Variants in PRLR observed in about 807,000 individuals in gnomAD.
PRLR encodes the protein prolactin receptor.
A neutral mutation model predicts 40.2 loss-of-function variants in PRLR; 13 were observed. The ratio of observed to expected loss-of-function variants is 0.32; its 90% confidence interval spans 0.21 to 0.51. The LOEUF is 0.51. Ranked by LOEUF, PRLR falls within the 20% of genes least tolerant of loss-of-function variation. The pLI is 0.97. For missense variants in PRLR, 656 were observed against 747.3 expected, an observed-to-expected ratio of 0.88 and a Z score of 1.42; for synonymous variants, 269 against 278.7, an observed-to-expected ratio of 0.97 and a Z score of 0.35.
intron 2 of PRLR, among the ~76,000 whole-genome samples, chr5:35,104,943 G>A (rs1253248033): frequency 3.3e-5 from 5 of 152,220 alleles, no homozygotes; most frequent in African/African-American, 1.2e-4. Flanking sequence ...CCTGACCCCC[G>A]AGTAGCCTAA....
chr5:35,175,817 C>T (rs1429116553), intron 1 of PRLR, among the ~76,000 whole-genome samples: 12 of 152,090 alleles, frequency 7.9e-5, no homozygotes, highest in East Asian at 5.8e-4. Flanking sequence ...TCCTTCCACA[C>T]TCACTTTCTT....
chr5:35,146,608 A>G (rs531804367), intron 1 of PRLR, among the ~76,000 whole-genome samples: 1 of 152,300 alleles, frequency 6.6e-6, no homozygotes, highest in East Asian at 1.9e-4. Flanking sequence ...CAGGAACACA[A>G]TGGGGCACCC....
chr5:35,199,254 C>T (rs1775815774), intron 1 of PRLR, among the ~76,000 whole-genome samples: 1 of 152,118 alleles, frequency 6.6e-6, no homozygotes, highest in Non-Finnish European at 1.5e-5. Flanking sequence ...GATGCAGGCC[C>T]TAGTTCTTTT....
intron 2 of PRLR, among the ~76,000 whole-genome samples, chr5:35,091,274 C>T (rs1027059080): frequency 6.6e-6 from 1 of 152,114 alleles, no homozygotes; most frequent in Non-Finnish European, 1.5e-5. Flanking sequence ...TCTAAATCAC[C>T]CACTGCATCT....
intron 1 of PRLR, among the ~76,000 whole-genome samples, chr5:35,161,899 G>A (rs1035945539): frequency 7.2e-5 from 11 of 152,190 alleles, no homozygotes; most frequent in Middle Eastern, 3.2e-3. Context: ...AAACACTGTC[G>A]ATCCTAGTTC....
chr5:35,204,223 A>T (rs925684064), intron 1 of PRLR, among the ~76,000 whole-genome samples: 36 of 151,140 alleles, frequency 2.4e-4, no homozygotes, highest in South Asian at 1.0e-3. Context: ...TCAAAAAAAA[A>T]AATAATAAAT....
At chr5:35,216,099 G>A (rs569713201) in intron 1 of PRLR, among the ~76,000 whole-genome samples, 89 of 152,046 alleles carry the variant, frequency 5.9e-4, no homozygotes, top group African/African-American at 2.0e-3. Context: ...TGGAACTGAG[G>A]ACTTTCTTTT....
intron 2 of PRLR, among the ~76,000 whole-genome samples, chr5:35,106,137 G>T (rs896102977): frequency 2.0e-5 from 3 of 152,180 alleles, no homozygotes; most frequent in African/African-American, 7.2e-5. Flanking sequence ...AGCTTCATAA[G>T]TGAAGGAGAA....
At chr5:35,070,770 G>C (rs1358244353) in intron 6 of PRLR, among the ~76,000 whole-genome samples, 4 of 150,372 alleles carry the variant, frequency 2.7e-5, no homozygotes, top group Non-Finnish European at 5.9e-5. Context: ...TTGAACCTGG[G>C]AGGCGGATGT....
At chr5:35,223,068 C>G (rs1365257748) in intron 1 of PRLR, among the ~76,000 whole-genome samples, 1 of 152,242 alleles carries the variant, frequency 6.6e-6, no homozygotes, top group Non-Finnish European at 1.5e-5. Context: ...GTTACAAAGG[C>G]TTTCAGCCAC....
intron 1 of PRLR, among the ~76,000 whole-genome samples, chr5:35,205,519 G>A (rs866317194): frequency 1.4e-5 from 2 of 147,262 alleles, no homozygotes; most frequent in Non-Finnish European, 3.0e-5. Flanking sequence ...TTTCAAACAA[G>A]CACAGCATCC....
intron 5 of PRLR, among the ~76,000 whole-genome samples, chr5:35,080,439 A>C (rs1770430645): frequency 6.6e-6 from 1 of 152,244 alleles, no homozygotes; most frequent in South Asian, 2.1e-4. Flanking sequence ...CACGTGAAAA[A>C]ATGCTCATCG....
intron 1 of PRLR, among the ~76,000 whole-genome samples, chr5:35,173,540 C>T (rs1391675577): frequency 2.0e-5 from 3 of 152,130 alleles, no homozygotes; most frequent in Admixed American, 6.5e-5. Context: ...AAGTCCAGGG[C>T]ACTTTATTTA....
intron 1 of PRLR, among the ~76,000 whole-genome samples, chr5:35,156,776 C>A (rs1485165956): frequency 6.6e-6 from 1 of 152,146 alleles, no homozygotes; most frequent in East Asian, 1.9e-4. Context: ...TGGAAGGGAT[C>A]TCTCTCCTCC....
At chr5:35,208,177 G>GCACA (rs1281536944) in intron 1 of PRLR, among the ~76,000 whole-genome samples, 2,888 of 87,172 alleles carry the variant, frequency 0.033, 37 homozygotes, top group Non-Finnish European at 0.034. Context: ...CCACGCGCGC[G>GCACA]CACACACACA....
Position 35,147,260 on chromosome 5 carries a change from G to C in PRLR, c.-105-29138C>G, listed in dbSNP as rs1353793084. ...CACTGAAATCTCCCTGAGATTTGCT[G>C]CATACTCTAGTATCATTGCTTCCAA... On this transcript the variant is annotated intron_variant, in intron 1 of 9. Coordinates refer to ENST00000618457, the MANE Select transcript of PRLR (RefSeq NM_000949.7). Among the ~76,000 whole-genome samples the C allele has an allele frequency of 5.3e-5, 8 of 152,164 alleles. No individual in the cohort carries two copies. In the South Asian group the frequency reaches 1.4e-3, roughly 28 times the overall value.
intron 1 of PRLR, chr5:35,195,307 G>C (rs894140700): frequency 6.6e-6 from 1 of 152,314 alleles, no homozygotes; most frequent in Non-Finnish European, 1.5e-5. Flanking sequence ...TCCCATGCCT[G>C]AACAACACTG....
At chr5:35,184,465 C>T (rs1298400072) in intron 1 of PRLR, among the ~76,000 whole-genome samples, 1 of 152,048 alleles carries the variant, frequency 6.6e-6, no homozygotes, top group Non-Finnish European at 1.5e-5. Flanking sequence ...AGCAGTGAGC[C>T]GAGATTGAGC....
Position 35,059,886 on chromosome 5 carries a change from T to C in PRLR, c.*5203A>G, listed in dbSNP as rs1394019632. On this transcript the variant is annotated 3_prime_UTR_variant, in exon 10 of 10. Coordinates refer to ENST00000618457, the MANE Select transcript of PRLR (RefSeq NM_000949.7). Reference sequence around the variant, plus strand: ...TCTTGCTCTCTCACCCAGGCTGGAGTGCAGTGACACAATCACGGTTCACTG... The same window carrying C: ...TCTTGCTCTCTCACCCAGGCTGGAGCGCAGTGACACAATCACGGTTCACTG... 1 of 152,196 alleles carries C rather than the reference T, an allele frequency of 6.6e-6. No individual in the cohort carries two copies. The highest frequency in any genetic ancestry group is 1.5e-5 in the Non-Finnish European group (1 of 68,086). The allele number at this position is 152,196 out of a possible 1,614,324, so 9.4% of individuals were successfully genotyped here.
Sources: allele counts gnomAD v4.1 joint callset (sites outside exome capture counted in the v4.1 genomes callset), GRCh38; gene constraint gnomAD v4.1.1; transcripts MANE v1.5; gene names NCBI Gene and HGNC (gene_info 2026-07-23, HGNC 2026-07-21).